Variants in PLD2 observed in about 807,000 individuals in gnomAD.
PLD2 encodes the protein phospholipase D2.
PLD2 carries 101 observed loss-of-function variants against 119.8 expected under a neutral mutation model. The ratio of observed to expected loss-of-function variants is 0.84; its 90% confidence interval spans 0.72 to 0.99. The LOEUF (loss-of-function observed/expected upper bound fraction) is 0.99, where lower values mean the gene tolerates loss of function less well. Among genes scored for constraint, PLD2 ranks in the 50% least tolerant of loss-of-function variants. The probability of loss-of-function intolerance (pLI) is 0.00; values close to 1 mark genes in which losing one functional copy is unlikely to be tolerated. For synonymous variants in PLD2, 494 were observed against 482.8 expected, an observed-to-expected ratio of 1.02 and a Z score of -0.30; for missense variants, 1,164 against 1,226.8, an observed-to-expected ratio of 0.95 and a Z score of 0.76.
chr17:4,817,160 G>A lies in PLD2; in HGVS notation c.1716G>A (p.Lys572=), dbSNP rs577122030. The A allele has an allele frequency of 6.2e-7, 1 of 1,613,520 alleles. No homozygotes were observed. The highest frequency in any genetic ancestry group is 8.5e-7 in the Non-Finnish European group (1 of 1,179,442). ...RWNFTKTTKA[K]YKTPTYPYLL... ...CTCCACGTCAGACCACCAAGGCCAA[G>A]TACAAGACTCCCACATACCCCTACC... is the stretch of plus-strand genomic sequence containing the variant. The change falls in exon 17 of 25, where the codon AAG becomes AAA. Residue 572 remains lysine (K), a synonymous_variant. Transcript: ENST00000263088.
At position 4,809,057 on chromosome 17, in the gene PLD2, A is replaced by C. The variant is rs3888339; in HGVS notation, c.384-43A>C. 9.2e-4 allele frequency: 1,355 copies of C among 1,469,908 alleles called. 14 individuals are homozygous for C. In the African/African-American group the frequency reaches 0.016, roughly 18 times the overall value. 91.1% of individuals were successfully genotyped at this position (1,469,908 alleles called of 1,614,324 possible). A position where few individuals can be genotyped will look rare whatever the true frequency, so the allele number is the denominator to read the frequency against. On this transcript the variant is annotated intron_variant, in intron 4 of 24. Transcript: ENST00000263088. ...AGTGTTTTCAGGAACCAGAGCACCC[A>C]GCCTCCCAGCTCTTACCTGACCTTC...
At position 4,809,887 on chromosome 17, in the gene PLD2, G is replaced by T. The variant is rs746185534; in HGVS notation, c.718G>T (p.Val240Leu). 3 of 1,614,110 alleles carry T rather than the reference G, an allele frequency of 1.9e-6. No individual in the cohort carries two copies. Among genetic ancestry groups the T allele is most frequent in the Non-Finnish European group, 2.5e-6 (3 of 1,180,056 alleles). Reference sequence around the variant, plus strand: ...GCCCTTCTGCTCTAGGTGGCTGGTGGTGAAGGACTCCTTCCTGCTGTACAT... The same window carrying T: ...GCCCTTCTGCTCTAGGTGGCTGGTGTTGAAGGACTCCTTCCTGCTGTACAT... ...CYRWSKRWLV[V>L]KDSFLLYMCL... Residue 240 changes from valine to leucine, a missense_variant, in exon 9 of 25, where the codon GTG becomes TTG. Coordinates refer to ENST00000263088, the MANE Select transcript of PLD2 (RefSeq NM_002663.5).
rs1467968913 is a variant in PLD2 at position 4,823,207 on chromosome 17, C to T, written c.*343C>T. ...GAAGGGGGCTCTGCCCCAGGCCCTA[C>T]TACCCATTGTTCCCTTCCTCTTCCT... is the stretch of plus-strand genomic sequence containing the variant. On this transcript the variant is annotated 3_prime_UTR_variant, in exon 25 of 25. Coordinates refer to ENST00000263088, the MANE Select transcript of PLD2 (RefSeq NM_002663.5). 3.2e-5 allele frequency: 7 copies of T among 218,722 alleles called. No individual in the cohort carries two copies. Among genetic ancestry groups the T allele is most frequent in the African/African-American group, 6.8e-5 (3 of 44,106 alleles). The allele number at this position is 218,722 out of a possible 1,614,324, so 13.5% of individuals were successfully genotyped here.
chr17:4,819,160 G>A lies in PLD2; in HGVS notation c.2250G>A (p.Ser750=), dbSNP rs762253831. 5.1e-5 allele frequency: 82 copies of A among 1,614,008 alleles called. No individual in the cohort carries two copies. The highest frequency in any genetic ancestry group is 8.3e-5 in the Admixed American group (5 of 60,002). The change falls in exon 22 of 25, where the codon TCG becomes TCA. Residue 750 remains serine (S), a synonymous_variant. Transcript: ENST00000263088. This position sits in a 1 kb window ranked among gnomAD's most constrained non-coding sequence, Gnocchi z 4.2. The part of the protein sequence containing the change: ...THGELGGHPV[S]ELIYIHSKVL... Reference sequence around the variant, plus strand: ...GAGAGCTGGGCGGGCACCCCGTCTCGGAGCTCATCTACATCCACAGCAAGG... The same window carrying A: ...GAGAGCTGGGCGGGCACCCCGTCTCAGAGCTCATCTACATCCACAGCAAGG...
chr17:4,815,455 G>A (rs1299005657), intron 12 of PLD2, 21 bp from the exon 13 acceptor site: 6 of 1,457,084 alleles, frequency 4.1e-6, no homozygotes, highest in Non-Finnish European at 5.8e-6. Flanking sequence ...ACTAGGATCT[G>A]ATTCCCCAAC....
Position 4,818,613 on chromosome 17 carries a change from C to A in PLD2, c.2123+6C>A, listed in dbSNP as rs779267473. 6.1e-5 allele frequency: 97 copies of A among 1,602,326 alleles called. No homozygotes were observed. Among genetic ancestry groups the A allele is most frequent in the Admixed American group, 3.7e-4 (22 of 59,938 alleles). On this transcript the variant is annotated splice_donor_region_variant and intron_variant, in intron 20 of 24. Coordinates refer to ENST00000263088, the MANE Select transcript of PLD2 (RefSeq NM_002663.5). ...ATTCTGCACTTTACTTACAGGTGAC[C>A]CCCCAGGCGGACTCCAGCTCTCAGT...
chr17:4,818,660 C>G, intron 20 of PLD2, 53 bp downstream of exon 20: 1 of 1,552,876 alleles, frequency 6.4e-7, no homozygotes, highest in Non-Finnish European at 8.9e-7. Flanking sequence ...ACCCGTGTCC[C>G]CCTCCTGATT....
Position 4,819,423 on chromosome 17 carries a change from C to T in PLD2, c.2309-6C>T. 1.2e-6 allele frequency: 2 copies of T among 1,613,002 alleles called. No homozygotes were observed. Among genetic ancestry groups the T allele is most frequent in the Non-Finnish European group, 1.7e-6 (2 of 1,179,516 alleles). On this transcript the variant is annotated splice_polypyrimidine_tract_variant and splice_region_variant and intron_variant, in intron 22 of 24. Coordinates refer to ENST00000263088, the MANE Select transcript of PLD2 (RefSeq NM_002663.5). This position sits in a 1 kb window ranked among gnomAD's most constrained non-coding sequence, Gnocchi z 4.2. Reference sequence around the variant, plus strand: ...AAGCACACAGTGTGCCCCGCATCCACCCCAGGTTCTGCAAACATCAATGAC... The same window carrying T: ...AAGCACACAGTGTGCCCCGCATCCATCCCAGGTTCTGCAAACATCAATGAC...
intron 5 of PLD2, 22 bp from the exon 6 acceptor site, chr17:4,809,276 C>G (rs376550717): frequency 1.2e-6 from 2 of 1,613,470 alleles, no homozygotes; most frequent in East Asian, 2.2e-5. Context: ...CTGTCTCTCT[C>G]TCTCTCTCAT....
Position 4,818,001 on chromosome 17 carries a change from G to A in PLD2, c.1816-1G>A. The A allele has an allele frequency of 2.5e-6, 4 of 1,604,278 alleles. No homozygotes were observed. The highest frequency in any genetic ancestry group is 3.4e-6 in the Non-Finnish European group (4 of 1,171,054). On this transcript the variant is annotated splice_acceptor_variant, in intron 17 of 24. Coordinates refer to ENST00000263088, the MANE Select transcript of PLD2 (RefSeq NM_002663.5). LOFTEE classifies it high-confidence loss of function. ...AGCACATCGCATTCACCATTCCCTA[G>A]GTCTTGCGATCAGTGGACCGCTGGT...
In PLD2 at chr17:4,816,635, C is replaced by G; in HGVS notation, c.1471C>G (p.Pro491Ala). Residue 491 changes from proline to alanine, a missense_variant, in exon 15 of 25, where the codon CCA (proline) becomes GCA (alanine). Coordinates refer to ENST00000263088, the MANE Select transcript of PLD2 (RefSeq NM_002663.5). ...CCCCCTACAGCCTCCCACCCCGCGC[C>G]CAGACTCACCAGCCACCCCAGACCT... ...SAASQPPTPR[P>A]DSPATPDLSH... 6.2e-7 allele frequency: 1 copy of G among 1,614,052 alleles called. No homozygotes were observed. The highest frequency in any genetic ancestry group is 1.1e-5 in the South Asian group (1 of 91,082).
At chr17:4,816,855 C>T (rs1907030269) in intron 15 of PLD2, 82 bp from the exon 16 acceptor site, 1 of 1,576,732 alleles carries the variant, frequency 6.3e-7, no homozygotes, top group East Asian at 2.2e-5. Context: ...AGCCCTCCCT[C>T]TGGCAGGCTC....
chr17:4,816,479 G>T (rs756849270), intron 14 of PLD2, 141 bp from the exon 15 acceptor site: 194 of 862,808 alleles, frequency 2.2e-4, no homozygotes, highest in Non-Finnish European at 3.2e-4. Flanking sequence ...GCAACTGGAG[G>T]GGAGGGCTGG....
Position 4,819,331 on chromosome 17 carries a change from A to G in PLD2, c.2309-98A>G, listed in dbSNP as rs943239215. The stretch of plus-strand genomic sequence containing the variant: ...GGCTCGTGTAGGGGTGGAGGGTCCA[A>G]GAAGGAATGTTGCAGGCCAGTGCTT... On this transcript the variant is annotated intron_variant, in intron 22 of 24. Coordinates refer to ENST00000263088, the MANE Select transcript of PLD2 (RefSeq NM_002663.5). This position sits in a 1 kb window ranked among gnomAD's most constrained non-coding sequence, Gnocchi z 4.2. 8 of 1,599,212 alleles carry G rather than the reference A, an allele frequency of 5.0e-6. No individual in the cohort carries two copies. Among genetic ancestry groups the G allele is most frequent in the South Asian group, 3.3e-5 (3 of 89,910 alleles).
Position 4,809,059 on chromosome 17 carries a change from C to T in PLD2, c.384-41C>T, listed in dbSNP as rs146018152. ...TGTTTTCAGGAACCAGAGCACCCAG[C>T]CTCCCAGCTCTTACCTGACCTTCAT... On this transcript the variant is annotated intron_variant, in intron 4 of 24. Transcript: ENST00000263088. The T allele has an allele frequency of 3.5e-4, 523 of 1,477,612 alleles. No individual in the cohort carries two copies. In the African/African-American group the frequency reaches 5.6e-3, roughly 16 times the overall value. The allele number at this position is 1,477,612 out of a possible 1,614,324, so 91.5% of individuals were successfully genotyped here. A position where few individuals can be genotyped will look rare whatever the true frequency, so the allele number is the denominator to read the frequency against.
In PLD2 at chr17:4,808,084, G is replaced by A. The variant is rs774977253; in HGVS notation, c.210G>A (p.Val70=). 5 of 1,611,958 alleles carry A rather than the reference G, an allele frequency of 3.1e-6. No individual in the cohort carries two copies. In the East Asian group the frequency reaches 1.1e-4, roughly 36 times the overall value. ...GGGTCCCTGTCACAGCCCAGGTGGT[G>A]GGCACCGAAAGATATACCAGCGGAT... ...APGVPVTAQV[V]GTERYTSGSK... is the part of the protein sequence containing the mutation. Residue 70 remains valine (V), a synonymous_variant, in exon 3 of 25, where the codon GTG becomes GTA. Coordinates refer to ENST00000263088, the MANE Select transcript of PLD2 (RefSeq NM_002663.5). The surrounding 1 kb of genome is among the most constrained non-coding windows in gnomAD (Gnocchi z 4.1).
In PLD2 at chr17:4,815,838, A is replaced by G; in HGVS notation, c.1359A>G (p.Ala453=). Residue 453 remains alanine, a synonymous_variant, in exon 14 of 25, where the codon GCA becomes GCG. Transcript: ENST00000263088. ...TCCTGGTGGTGGACCAAGTGGTAGC[A>G]TTCCTGGGGGGACTGGACCTTGCCT... ...EKLLVVDQVV[A]FLGGLDLAYG... 3.1e-6 allele frequency: 5 copies of G among 1,614,108 alleles called. No homozygotes were observed. Among genetic ancestry groups the G allele is most frequent in the Non-Finnish European group, 4.2e-6 (5 of 1,180,008 alleles).
chr17:4,820,045 A>G (rs543676159), intron 23 of PLD2, among the ~76,000 whole-genome samples: 22 of 150,926 alleles, frequency 1.5e-4, no homozygotes, highest in African/African-American at 5.3e-4. Context: ...CCTGGGTTCA[A>G]GCGATTCTCC....
rs1907247631 is a variant in PLD2 at position 4,818,341 on chromosome 17, C to T, written c.1965C>T (p.Asn655=). 23 of 1,614,174 alleles carry T rather than the reference C, an allele frequency of 1.4e-5. No homozygotes were observed. The highest frequency in any genetic ancestry group is 1.5e-5 in the Non-Finnish European group (18 of 1,180,030). Reference sequence around the variant, plus strand: ...GCTCAGATGGGCGGACGGTTCTGAACAAGGTGGGCGATGAGATTGTGGACA... The same window carrying T: ...GCTCAGATGGGCGGACGGTTCTGAATAAGGTGGGCGATGAGATTGTGGACA... ...ISCSDGRTVL[N]KVGDEIVDRI... Residue 655 remains asparagine, a synonymous_variant, in exon 19 of 25, where the codon AAC becomes AAT. Coordinates refer to ENST00000263088, the MANE Select transcript of PLD2 (RefSeq NM_002663.5).
Sources: gnomAD v4.1 joint callset for allele counts (sites outside exome capture counted in the v4.1 genomes callset) on GRCh38, gnomAD v4.1.1 for gene constraint, Gnocchi (gnomAD v3.1) non-coding constraint, MANE v1.5 for transcripts, NCBI Gene and HGNC (gene_info 2026-07-23, HGNC 2026-07-21) for gene names.